Variants in SCML4 observed in about 807,000 individuals in gnomAD.
The protein encoded by SCML4 is Scm polycomb group protein like 4, also known as sex comb on midleg-like protein 4.
Under a neutral mutation model 41.1 loss-of-function variants are expected in SCML4, and 34 were observed. The observed-to-expected ratio is 0.83, with a 90% CI of 0.63 to 1.10. The LOEUF is 1.10. Among genes scored for constraint, SCML4 ranks in the 50% least tolerant of loss-of-function variants. The probability of loss-of-function intolerance (pLI) is 0.00; values close to 1 mark genes in which losing one functional copy is unlikely to be tolerated. For missense variants in SCML4, 522 were observed against 534.1 expected, an observed-to-expected ratio of 0.98 and a Z score of 0.22; for synonymous variants, 214 against 220.9, an observed-to-expected ratio of 0.97 and a Z score of 0.28.
rs553970339 is a variant in SCML4, at chr6:107,704,552, T to C, written c.*648A>G. Reference sequence around the variant, plus strand: ...CCATCCACTCAGTACTGAACAATCCTGCTACTGCAGTCAGTGAGGGTCCTG... The same window carrying C: ...CCATCCACTCAGTACTGAACAATCCCGCTACTGCAGTCAGTGAGGGTCCTG... On this transcript the variant is annotated 3_prime_UTR_variant, in exon 8 of 8. Coordinates refer to ENST00000369020, the MANE Select transcript of SCML4 (RefSeq NM_198081.5). 2 of 156,128 alleles carry C rather than the reference T, an allele frequency of 1.3e-5. No homozygotes were observed. The highest frequency in any genetic ancestry group is 3.8e-4 in the East Asian group (2 of 5,254). 9.7% of individuals were successfully genotyped at this position (156,128 alleles called of 1,614,324 possible). A position where few individuals can be genotyped will look rare whatever the true frequency, so the allele number is the denominator to read the frequency against.
At chr6:107,779,847 C>T (rs1562251114) in intron 1 of SCML4, among the ~76,000 whole-genome samples, 1 of 152,216 alleles carries the variant, frequency 6.6e-6, no homozygotes, top group Non-Finnish European at 1.5e-5. Context: ...GTGGCTCAAA[C>T]TCTCCTGCTT....
intron 5 of SCML4, chr6:107,744,170 T>A (rs554053663): frequency 6.6e-6 from 1 of 152,334 alleles, no homozygotes; most frequent in African/African-American, 2.4e-5. Flanking sequence ...TTTCTACCCA[T>A]CCTTGAGATT....
At chr6:107,726,532 CAAAAA>C (rs59013088) in intron 5 of SCML4, among the ~76,000 whole-genome samples, 2 of 72,394 alleles carry the variant, frequency 2.8e-5, no homozygotes, top group Admixed American at 2.0e-4. Context: ...GACTCCATCT[CAAAAA>C]AAAAAAAAAA....
intron 2 of SCML4, among the ~76,000 whole-genome samples, chr6:107,752,618 G>T (rs1358293644): frequency 1.3e-5 from 2 of 152,128 alleles, no homozygotes; most frequent in Non-Finnish European, 2.9e-5. Flanking sequence ...GAATGGAAAG[G>T]TTCTTTCAAG....
chr6:107,834,010 A>G, the SCML4 span, among the ~76,000 whole-genome samples: 28 of 152,364 alleles, frequency 1.8e-4, no homozygotes, highest in African/African-American at 6.7e-4. Context: ...TTTAAGTGGC[A>G]TAAATACACT....
chr6:107,727,286 G>A (rs773390700), intron 5 of SCML4, among the ~76,000 whole-genome samples: 34 of 152,242 alleles, frequency 2.2e-4, no homozygotes, highest in Admixed American at 8.5e-4. Context: ...TAAAGGGTAT[G>A]TGGGAGGTTT....
At chr6:107,785,284 C>A (rs569475845) in intron 1 of SCML4, among the ~76,000 whole-genome samples, 108 of 152,200 alleles carry the variant, frequency 7.1e-4, no homozygotes, top group Non-Finnish European at 1.4e-3. Context: ...GGACCAACTC[C>A]CTGTGTCCCT....
chr6:107,759,241 G>A (rs966978091), intron 2 of SCML4, among the ~76,000 whole-genome samples: 2 of 151,818 alleles, frequency 1.3e-5, no homozygotes, highest in Admixed American at 1.3e-4. Flanking sequence ...GAGGTAGGAA[G>A]ACGGCTTGAG....
At chr6:107,740,204 G>C (rs766986346) in intron 5 of SCML4, 8 of 469,556 alleles carry the variant, frequency 1.7e-5, no homozygotes, top group Non-Finnish European at 3.1e-5. Context: ...AGTTTTAGCT[G>C]AGCTGCAAGA....
At chr6:107,841,414 T>A in the SCML4 span, among the ~76,000 whole-genome samples, 1 of 152,210 alleles carries the variant, frequency 6.6e-6, no homozygotes, top group Non-Finnish European at 1.5e-5. Context: ...ATCCAGAGGT[T>A]CCACATGCCA....
intron 5 of SCML4, among the ~76,000 whole-genome samples, chr6:107,723,909 C>CA (rs1392061274): frequency 6.6e-6 from 1 of 152,146 alleles, no homozygotes; most frequent in Non-Finnish European, 1.5e-5. Context: ...AAATCCTCAA[C>CA]AAAAAACCTG....
chr6:107,748,034 C>T (rs77324571), intron 3 of SCML4, among the ~76,000 whole-genome samples: 3,609 of 152,118 alleles, frequency 0.024, 127 homozygotes, highest in African/African-American at 0.08. Flanking sequence ...GTGCCCTGGC[C>T]GACCTCTTGA....
chr6:107,705,066 TA>T lies in SCML4; in HGVS notation c.*133del. On this transcript the variant is annotated 3_prime_UTR_variant, in exon 8 of 8. Coordinates refer to ENST00000369020, the MANE Select transcript of SCML4 (RefSeq NM_198081.5). ...AAAAGGCAAAGATTCACAAGTTTTA[TA>T]AAAAGACCACGTCTCTGTGGCTGTT... is the stretch of plus-strand genomic sequence containing the variant. 3.6e-6 allele frequency: 3 copies of T among 844,070 alleles called. No homozygotes were observed. Among genetic ancestry groups the T allele is most frequent in the Non-Finnish European group, 3.8e-6 (2 of 527,330 alleles). The allele number at this position is 844,070 out of a possible 1,614,324, so 52.3% of individuals were successfully genotyped here.
At chr6:107,793,608 C>T (rs1782501805) in intron 1 of SCML4, among the ~76,000 whole-genome samples, 1 of 152,172 alleles carries the variant, frequency 6.6e-6, no homozygotes, top group Non-Finnish European at 1.5e-5. Flanking sequence ...GAGGCAGATC[C>T]TAAACTCTAA....
At chr6:107,722,397 C>T (rs533395554) in intron 5 of SCML4, among the ~76,000 whole-genome samples, 114 of 152,034 alleles carry the variant, frequency 7.5e-4, no homozygotes, top group Non-Finnish European at 1.3e-3. Flanking sequence ...AGAGAAATTA[C>T]GGTGATAGAA....
chr6:107,838,225 G>A, the SCML4 span, among the ~76,000 whole-genome samples: 2 of 152,096 alleles, frequency 1.3e-5, no homozygotes, highest in East Asian at 1.9e-4. Context: ...CTATTATTAA[G>A]AGGATAGTAG....
intron 1 of SCML4, among the ~76,000 whole-genome samples, chr6:107,802,719 T>C: frequency 1.4e-5 from 2 of 139,178 alleles, no homozygotes; most frequent in South Asian, 2.3e-4. Context: ...CCTCTCCCTC[T>C]CCCTCTCCCC....
intron 5 of SCML4, among the ~76,000 whole-genome samples, chr6:107,737,490 C>T (rs978925702): frequency 2.0e-5 from 3 of 152,156 alleles, no homozygotes; most frequent in African/African-American, 7.2e-5. Flanking sequence ...AAAACACCTC[C>T]ACTCAACACT....
intron 1 of SCML4, among the ~76,000 whole-genome samples, chr6:107,779,146 C>T (rs937198402): frequency 6.6e-6 from 1 of 151,836 alleles, no homozygotes; most frequent in Non-Finnish European, 1.5e-5. Context: ...CGCCACTGCA[C>T]TCCAGCCTGG....
Sources: gnomAD v4.1 joint callset for allele counts (sites outside exome capture counted in the v4.1 genomes callset) on GRCh38, gnomAD v4.1.1 for gene constraint, MANE v1.5 for transcripts, NCBI Gene and HGNC (gene_info 2026-07-23, HGNC 2026-07-21) for gene names.